Variants in NRG3 observed in about 807,000 individuals in gnomAD.
The protein encoded by NRG3 is pro-neuregulin-3, membrane-bound isoform.
NRG3 carries 31 observed loss-of-function variants against 66.9 expected under a neutral mutation model. The ratio of observed to expected loss-of-function variants is 0.46; its 90% confidence interval spans 0.35 to 0.63. NRG3 has a LOEUF of 0.63. Ranked by LOEUF, NRG3 falls within the 20% of genes least tolerant of loss-of-function variation. The probability of loss-of-function intolerance (pLI) is 0.00; values close to 1 mark genes in which losing one functional copy is unlikely to be tolerated. For missense variants in NRG3, 910 were observed against 878.9 expected, an observed-to-expected ratio of 1.04 and a Z score of -0.45; for synonymous variants, 393 against 359.4, an observed-to-expected ratio of 1.09 and a Z score of -1.06.
intron 2 of NRG3, among the ~76,000 whole-genome samples, chr10:82,384,116 T>C (rs1229648153): frequency 6.6e-6 from 1 of 152,158 alleles, no homozygotes; most frequent in African/African-American, 2.4e-5. Flanking sequence ...AATACCTTAA[T>C]ACCATTATAT....
chr10:82,546,882 C>T (rs1172175285), intron 2 of NRG3, among the ~76,000 whole-genome samples: 6 of 152,050 alleles, frequency 3.9e-5, no homozygotes, highest in African/African-American at 1.4e-4. Context: ...AAGAATTACT[C>T]AAATCCCACC....
chr10:82,407,544 T>C (rs1388078892), intron 2 of NRG3, among the ~76,000 whole-genome samples: 1 of 152,096 alleles, frequency 6.6e-6, no homozygotes, highest in Admixed American at 6.5e-5. Flanking sequence ...ATAAAGAAGG[T>C]GTGAAGAGAA....
chr10:82,242,968 G>C (rs577469756), intron 1 of NRG3, among the ~76,000 whole-genome samples: 2 of 152,174 alleles, frequency 1.3e-5, no homozygotes, highest in East Asian at 1.9e-4. Context: ...GTTAGGGCTC[G>C]TGCTTAAGCC....
chr10:82,066,610 A>G (rs1286690637), intron 1 of NRG3, among the ~76,000 whole-genome samples: 1 of 152,200 alleles, frequency 6.6e-6, no homozygotes, highest in East Asian at 1.9e-4. Context: ...CTACAAGCAC[A>G]CAATATTTAA....
At chr10:82,812,190 G>T (rs1268391466) in intron 3 of NRG3, among the ~76,000 whole-genome samples, 1 of 152,110 alleles carries the variant, frequency 6.6e-6, no homozygotes, top group African/African-American at 2.4e-5. Flanking sequence ...GGGAATCTAA[G>T]ATCCTCTATT....
chr10:82,214,270 G>A (rs1275910543), intron 1 of NRG3, among the ~76,000 whole-genome samples: 2 of 152,044 alleles, frequency 1.3e-5, no homozygotes, highest in Admixed American at 6.6e-5. Flanking sequence ...CCTGAAAGCT[G>A]AGGGGTTTAT....
At chr10:82,634,623 A>G (rs2050064407) in intron 2 of NRG3, among the ~76,000 whole-genome samples, 1 of 152,206 alleles carries the variant, frequency 6.6e-6, no homozygotes, top group South Asian at 2.1e-4. Context: ...TTAGAGAAAT[A>G]TAGTTAGAAA....
intron 1 of NRG3, among the ~76,000 whole-genome samples, chr10:82,174,851 A>G (rs751485327): frequency 3.1e-4 from 47 of 151,984 alleles, no homozygotes; most frequent in Non-Finnish European, 5.1e-4. Flanking sequence ...TAGAATTCCA[A>G]ACTCCAGATC....
At chr10:82,880,420 AG>A (rs1427012564) in intron 4 of NRG3, among the ~76,000 whole-genome samples, 3 of 152,206 alleles carry the variant, frequency 2.0e-5, no homozygotes, top group African/African-American at 7.2e-5. Context: ...AAGCCTCTTA[AG>A]GGAATTTTTT....
intron 4 of NRG3, among the ~76,000 whole-genome samples, chr10:82,891,606 A>G (rs1843152378): frequency 1.3e-5 from 2 of 151,934 alleles, no homozygotes; most frequent in South Asian, 2.1e-4. Context: ...AGAGAAATTC[A>G]GTTGGTTTTT....
At chr10:82,227,884 C>A (rs539299484) in intron 1 of NRG3, among the ~76,000 whole-genome samples, 1 of 152,110 alleles carries the variant, frequency 6.6e-6, no homozygotes, top group Non-Finnish European at 1.5e-5. Flanking sequence ...TTAGGGGCAG[C>A]CTTCATTTTC....
chr10:82,486,594 T>C (rs1842696817), intron 2 of NRG3, among the ~76,000 whole-genome samples: 1 of 152,016 alleles, frequency 6.6e-6, no homozygotes, highest in African/African-American at 2.4e-5. Context: ...TTGGTATTTT[T>C]AGTAGAGAAG....
chr10:82,908,343 T>C (rs1287035005), intron 4 of NRG3, among the ~76,000 whole-genome samples: 1 of 152,194 alleles, frequency 6.6e-6, no homozygotes, highest in African/African-American at 2.4e-5. Context: ...GAATTCATTA[T>C]CAAGGAATTC....
intron 4 of NRG3, among the ~76,000 whole-genome samples, chr10:82,925,032 T>A (rs1291365403): frequency 6.6e-6 from 1 of 152,228 alleles, no homozygotes; most frequent in Non-Finnish European, 1.5e-5. Flanking sequence ...ATCCATCATA[T>A]TTTTATGCCA....
chr10:82,869,902 C>G (rs1841160009), intron 4 of NRG3, among the ~76,000 whole-genome samples: 1 of 151,748 alleles, frequency 6.6e-6, no homozygotes, highest in Admixed American at 6.6e-5. Flanking sequence ...GCCACCACAC[C>G]TGGCCCCACT....
At chr10:82,217,641 C>T (rs959439825) in intron 1 of NRG3, among the ~76,000 whole-genome samples, 2 of 152,200 alleles carry the variant, frequency 1.3e-5, no homozygotes, top group Non-Finnish European at 2.9e-5. Context: ...AAAGTTATTT[C>T]TGCAATAGTT....
chr10:82,728,077 A>C (rs1417184537), intron 2 of NRG3, among the ~76,000 whole-genome samples: 1 of 152,032 alleles, frequency 6.6e-6, no homozygotes, highest in Non-Finnish European at 1.5e-5. Context: ...GGAAGTAACT[A>C]ATTTGGTTTT....
chr10:82,662,551 A>G (rs561904450), intron 2 of NRG3, among the ~76,000 whole-genome samples: 10 of 152,186 alleles, frequency 6.6e-5, no homozygotes, highest in Non-Finnish European at 1.0e-4. Flanking sequence ...CAGACAGTCA[A>G]TCATAGTTCA....
At chr10:82,926,822 G>A (rs1243877006) in intron 4 of NRG3, among the ~76,000 whole-genome samples, 2 of 152,234 alleles carry the variant, frequency 1.3e-5, no homozygotes, top group African/African-American at 4.8e-5. Flanking sequence ...AACAGTTCTT[G>A]TCTCCTGAAA....
Sources: gnomAD v4.1 joint callset for allele counts (sites outside exome capture counted in the v4.1 genomes callset) on GRCh38, gnomAD v4.1.1 for gene constraint, MANE v1.5 for transcripts, NCBI Gene and HGNC (gene_info 2026-07-23, HGNC 2026-07-21) for gene names.